Variants in NFATC1 observed in about 807,000 individuals in gnomAD.
NFATC1 encodes nuclear factor of activated T cells 1, also known as nuclear factor of activated T-cells, cytoplasmic 1.
Under a neutral mutation model 76.0 loss-of-function variants are expected in NFATC1, and 22 were observed. The ratio of observed to expected loss-of-function variants is 0.29; its 90% CI spans 0.21 to 0.41. The LOEUF is 0.41. Among genes scored for constraint, NFATC1 ranks in the 10% least tolerant of loss-of-function variants. The probability of loss-of-function intolerance (pLI) is 1.00; values close to 1 mark genes in which losing one functional copy is unlikely to be tolerated. For synonymous variants in NFATC1, 704 were observed against 613.1 expected, an observed-to-expected ratio of 1.15 and a Z score of -2.19; for missense variants, 1,357 against 1,337.7, an observed-to-expected ratio of 1.01 and a Z score of -0.23.
chr18:79,466,513 C>T (rs545041989), intron 7 of NFATC1, among the ~76,000 whole-genome samples: 14 of 152,312 alleles, frequency 9.2e-5, no homozygotes, highest in South Asian at 6.2e-4. Context: ...CACCCAGCCC[C>T]GACCTCTGCG....
intron 8 of NFATC1, among the ~76,000 whole-genome samples, chr18:79,475,684 A>G (rs2089038258): frequency 6.6e-6 from 1 of 152,234 alleles, no homozygotes; most frequent in Admixed American, 6.5e-5. Context: ...TCTCTCTCAC[A>G]TGCTGTGGGG....
rs2087332393 is a variant in NFATC1 at position 79,448,863 on chromosome 18, G to A, written c.1468G>A (p.Ala490Thr). ...GGACGACCGCCTGCTGCGCCCGCAC[G>A]CCTTCTACCAGGTGCACCGCATCAC... ...TADDRLLRPH[A>T]FYQVHRITGK... Residue 490 changes from alanine to threonine, a missense_variant, in exon 4 of 10, where the codon GCC becomes ACC. Physicochemically the swap from Ala to Thr is moderately conservative, Grantham distance 58 (BLOSUM62 0). Around this residue, in one of 3 missense-constraint regions of NFATC1, gnomAD observed 242 missense variants for 329.2 expected, o/e 0.74. Transcript: ENST00000427363. 7 of 1,613,782 alleles carry A rather than the reference G, an allele frequency of 4.3e-6. No individual in the cohort carries two copies. The highest frequency in any genetic ancestry group is 2.2e-5 in the East Asian group (1 of 44,882).
intron 9 of NFATC1, among the ~76,000 whole-genome samples, chr18:79,512,552 C>T (rs1463595609): frequency 2.0e-5 from 3 of 152,220 alleles, no homozygotes; most frequent in Non-Finnish European, 4.4e-5. Flanking sequence ...CGGCTGTGGA[C>T]TCACACATGT....
At position 79,410,552 on chromosome 18, in the gene NFATC1, T is replaced by C; in HGVS notation, c.277T>C (p.Leu93=). The C allele has an allele frequency of 6.2e-7, 1 of 1,611,746 alleles. No homozygotes were observed. The highest frequency in any genetic ancestry group is 8.5e-7 in the Non-Finnish European group (1 of 1,179,978). Residue 93 remains leucine, a synonymous_variant, in exon 2 of 10, where the codon TTG becomes CTG. Transcript: ENST00000427363. The surrounding 1 kb of genome is among the most constrained non-coding windows in gnomAD (Gnocchi z 6.7). ...TCACCCCTCGGGGTACGGAGCAGCT[T>C]TGGACGGTGGGCCCGCGGGCTACTT... ...ADHPSGYGAA[L]DGGPAGYFLS...
intron 8 of NFATC1, among the ~76,000 whole-genome samples, chr18:79,480,158 G>A (rs765677659): frequency 1.3e-5 from 2 of 152,184 alleles, no homozygotes; most frequent in Admixed American, 6.5e-5. Flanking sequence ...GGTGGGGCAC[G>A]TGCGGTGATC....
intron 8 of NFATC1, among the ~76,000 whole-genome samples, chr18:79,478,777 G>T (rs1223932347): frequency 6.6e-6 from 1 of 152,204 alleles, no homozygotes; most frequent in East Asian, 1.9e-4. Flanking sequence ...CCAGGACTCA[G>T]CTCCCAACGT....
rs866268036 is a variant in NFATC1 at position 79,521,229 on chromosome 18, T to G, written c.2783-6299T>G. ...GATATGTGTGTCTGTGTGTGGGGGG[T>G]GGAGCATCCACTGATGTGTGTCCAT... On this transcript the variant is annotated intron_variant, in intron 9 of 9. Transcript: ENST00000427363. 9.8e-3 allele frequency among the ~76,000 whole-genome samples: 254 copies of G among 25,918 alleles called. 1 individual carries two copies. Among genetic ancestry groups the G allele is most frequent in the Middle Eastern group, 0.038 (1 of 26 alleles). The allele number at this position is 25,918 out of a possible 152,430, so 17.0% of individuals were successfully genotyped here. A position where few individuals can be genotyped will look rare whatever the true frequency, so the allele number is the denominator to read the frequency against.
intron 1 of NFATC1, among the ~76,000 whole-genome samples, chr18:79,409,443 A>T (rs1206900328): frequency 2.0e-5 from 3 of 151,072 alleles, no homozygotes; most frequent in African/African-American, 7.3e-5. Flanking sequence ...TTATCTATCC[A>T]TCCATTCATC....
chr18:79,466,768 A>G (rs755975017), intron 7 of NFATC1, among the ~76,000 whole-genome samples: 1 of 152,166 alleles, frequency 6.6e-6, no homozygotes, highest in Non-Finnish European at 1.5e-5. Context: ...GGCCTCGGCC[A>G]TCGTCAAATG....
intron 9 of NFATC1, among the ~76,000 whole-genome samples, chr18:79,494,489 G>A (rs868763476): frequency 8.0e-4 from 41 of 50,958 alleles, no homozygotes; most frequent in East Asian, 2.5e-3. Flanking sequence ...GAAGGCGAGA[G>A]CGGGCACACG....
At chr18:79,472,114 G>A (rs1449651674) in intron 8 of NFATC1, among the ~76,000 whole-genome samples, 3 of 152,196 alleles carry the variant, frequency 2.0e-5, no homozygotes, top group Middle Eastern at 3.4e-3. Flanking sequence ...CCACCCCAGC[G>A]ATCATCACGG....
Position 79,410,758 on chromosome 18 carries a change from C to A in NFATC1, c.483C>A (p.Ser161Arg), listed in dbSNP as rs919979149. 2 of 1,612,922 alleles carry A rather than the reference C, an allele frequency of 1.2e-6. No individual in the cohort carries two copies. Among genetic ancestry groups the A allele is most frequent in the African/African-American group, 2.7e-5 (2 of 74,934 alleles). The part of the protein sequence containing the change: ...SPSTATLSLP[S>R]LEAYRDPSCL... ...CCACGGCCACGCTGAGTCTGCCCAGCCTGGAGGCCTACAGAGACCCCTCGT... is the reference window on the plus strand; with the variant it reads ...CCACGGCCACGCTGAGTCTGCCCAGACTGGAGGCCTACAGAGACCCCTCGT... Residue 161 changes from serine (S) to arginine (R), a missense_variant, in exon 2 of 10, where the codon AGC becomes AGA. Around this residue, in one of 3 missense-constraint regions of NFATC1, gnomAD observed 691 missense variants for 613.1 expected, o/e 1.13. Transcript: ENST00000427363. The surrounding 1 kb of genome is among the most constrained non-coding windows in gnomAD (Gnocchi z 6.7).
At chr18:79,513,586 C>T (rs965011148) in intron 9 of NFATC1, among the ~76,000 whole-genome samples, 3 of 152,352 alleles carry the variant, frequency 2.0e-5, no homozygotes, top group East Asian at 1.9e-4. Flanking sequence ...CCGGCGGGGG[C>T]GTGGACGTCG....
chr18:79,521,608 A>C (rs1296330685), intron 9 of NFATC1, among the ~76,000 whole-genome samples: 1 of 54,750 alleles, frequency 1.8e-5, no homozygotes, highest in African/African-American at 8.1e-5. Flanking sequence ...GCTGATGTGT[A>C]TGTCTGTGTG....
chr18:79,452,592 G>A (rs912064094), intron 6 of NFATC1, among the ~76,000 whole-genome samples: 22 of 152,230 alleles, frequency 1.4e-4, no homozygotes, highest in Non-Finnish European at 2.9e-4. Context: ...CGCCGGCTCC[G>A]AGCAGAGTGT....
At position 79,502,386 on chromosome 18, in the gene NFATC1, A is replaced by G. The variant is rs145186760; in HGVS notation, c.2782+15449A>G. On this transcript the variant is annotated intron_variant, in intron 9 of 9. Coordinates refer to ENST00000427363, the MANE Select transcript of NFATC1 (RefSeq NM_001278669.2). ...AGTCAAACGTTTTTGGAGATAGCAC[A>G]TGAGGAACTCTTTCAAGACTTTGGA... 2.5e-3 allele frequency among the ~76,000 whole-genome samples: 384 copies of G among 152,346 alleles called. 1 individual carries two copies. The highest frequency in any genetic ancestry group is 3.4e-3 in the Non-Finnish European group (232 of 68,036).
rs867728806 is a variant in NFATC1, at chr18:79,425,225, T to G, written c.1227-8354T>G. 8.6e-4 allele frequency among the ~76,000 whole-genome samples: 124 copies of G among 144,344 alleles called. 6 individuals are homozygous for G. Among genetic ancestry groups the G allele is most frequent in the African/African-American group, 3.2e-3 (121 of 37,468 alleles). 94.7% of individuals were successfully genotyped at this position (144,344 alleles called of 152,430 possible). On this transcript the variant is annotated intron_variant, in intron 2 of 9. Transcript: ENST00000427363. The stretch of plus-strand genomic sequence containing the variant: ...TCTCTCCCTGTCTCTGTCTCTCTGT[T>G]TCTCTCCCTGTCTCTGTCTCTCTGT...
intron 9 of NFATC1, among the ~76,000 whole-genome samples, chr18:79,503,835 C>T (rs1392702666): frequency 6.6e-6 from 1 of 152,250 alleles, no homozygotes; most frequent in East Asian, 1.9e-4. Context: ...GCCAGATCTC[C>T]TGGAGAACTT....
chr18:79,435,761 C>T (rs1385423681), intron 3 of NFATC1, among the ~76,000 whole-genome samples: 5 of 152,166 alleles, frequency 3.3e-5, no homozygotes, highest in African/African-American at 1.2e-4. Flanking sequence ...TTAAAATGTA[C>T]CCTCAACAAT....
Sources: gnomAD v4.1 joint callset for allele counts (sites outside exome capture counted in the v4.1 genomes callset) on GRCh38, gnomAD v4.1.1 for gene constraint, gnomAD v4.1.1 regional missense constraint, Gnocchi (gnomAD v3.1) non-coding constraint, MANE v1.5 for transcripts, NCBI Gene and HGNC (gene_info 2026-07-23, HGNC 2026-07-21) for gene names.